The following WDR7 variants were observed in gnomAD, a reference collection of about 807,000 sequenced individuals.
WDR7 encodes WD repeat-containing protein 7.
WDR7 carries 46 observed loss-of-function variants against 169.4 expected under a neutral mutation model. The observed-to-expected ratio is 0.27, with a 90% CI of 0.21 to 0.35. WDR7 has a LOEUF of 0.35. Among genes scored for constraint, WDR7 ranks in the 10% least tolerant of loss-of-function variants. The pLI is 1.00. For missense variants in WDR7, 1,534 were observed against 1,859.3 expected (o/e 0.83, Z 3.22); for synonymous variants, 612 against 666.8 (o/e 0.92, Z 1.27).
chr18:56,975,199 G>A (rs2047549050), intron 26 of WDR7, among the ~76,000 whole-genome samples: 1 of 151,918 alleles, frequency 6.6e-6, no homozygotes, highest in Non-Finnish European at 1.5e-5. Context: ...TCACGCCACT[G>A]CACTCCAGCC....
chr18:56,834,076 A>G, intron 20 of WDR7, among the ~76,000 whole-genome samples: 1 of 152,180 alleles, frequency 6.6e-6, no homozygotes, highest in East Asian at 1.9e-4. Context: ...TTGCAGTTAT[A>G]GGATTGAGGT....
intron 20 of WDR7, among the ~76,000 whole-genome samples, chr18:56,856,345 C>G (rs2045721449): frequency 6.6e-6 from 1 of 152,042 alleles, no homozygotes; most frequent in African/African-American, 2.4e-5. Context: ...ACCAGTCTGG[C>G]CAACCTGGTG....
At chr18:56,794,087 A>G (rs998497294) in intron 19 of WDR7, among the ~76,000 whole-genome samples, 2 of 152,110 alleles carry the variant, frequency 1.3e-5, no homozygotes, top group Non-Finnish European at 2.9e-5. Flanking sequence ...TTCTGTTTTA[A>G]AAACATTTGT....
intron 14 of WDR7, among the ~76,000 whole-genome samples, chr18:56,755,233 G>A (rs938756340): frequency 6.6e-6 from 1 of 151,754 alleles, no homozygotes; most frequent in Non-Finnish European, 1.5e-5. Context: ...TTATCGTAGT[G>A]AACTTTTAAG....
intron 20 of WDR7, among the ~76,000 whole-genome samples, chr18:56,832,435 G>T (rs532391784): frequency 6.6e-6 from 1 of 152,324 alleles, no homozygotes; most frequent in South Asian, 2.1e-4. Context: ...AAACGTTCCA[G>T]CCTGCTGGCT....
intron 21 of WDR7, among the ~76,000 whole-genome samples, chr18:56,894,760 T>C (rs1177741491): frequency 3.9e-5 from 6 of 152,096 alleles, no homozygotes; most frequent in Non-Finnish European, 7.4e-5. Context: ...CCTTGTAGTA[T>C]CTTACATTTT....
At chr18:57,032,563 C>T (rs1310920912), downstream of WDR7, 1 of 152,138 alleles carries the variant, frequency 6.6e-6, no homozygotes, top group Admixed American at 6.5e-5. Flanking sequence ...CCATCACTTG[C>T]ATTACTGCCT....
At chr18:57,033,413 A>C (rs1447342491), downstream of WDR7, 1 of 152,244 alleles carries the variant, frequency 6.6e-6, no homozygotes, top group Non-Finnish European at 1.5e-5. Context: ...ACATTGGTAG[A>C]TGCTGCCAAC....
At chr18:56,704,686 C>G (rs1052714673) in intron 12 of WDR7, among the ~76,000 whole-genome samples, 5 of 152,036 alleles carry the variant, frequency 3.3e-5, no homozygotes, top group Non-Finnish European at 7.4e-5. Flanking sequence ...AGTGAGAGGC[C>G]CCTTTAACAG....
At chr18:56,844,484 T>C (rs2045538525) in intron 20 of WDR7, among the ~76,000 whole-genome samples, 1 of 152,160 alleles carries the variant, frequency 6.6e-6, no homozygotes, top group Non-Finnish European at 1.5e-5. Flanking sequence ...CACAAAAAGA[T>C]TAGACTCTAA....
chr18:56,999,822 T>C (rs991676544), intron 26 of WDR7, among the ~76,000 whole-genome samples: 1 of 152,066 alleles, frequency 6.6e-6, no homozygotes, highest in Admixed American at 6.6e-5. Context: ...GGGGCAGAAA[T>C]AGGACTGCTA....
chr18:56,957,441 T>G (rs1322453757), intron 25 of WDR7: 1 of 140,282 alleles, frequency 7.1e-6, no homozygotes, highest in East Asian at 2.1e-4. Flanking sequence ...TCTGCGAGAG[T>G]AAGAGGGAGA....
Position 56,756,471 on chromosome 18 carries a change from G to A in WDR7, c.1990-112G>A, listed in dbSNP as rs79405447. 1,161 of 985,604 alleles carry A rather than the reference G, an allele frequency of 1.2e-3. 17 individuals are homozygous for A. The East Asian group carries it at 0.029, about 25-fold the overall frequency. 61.1% of individuals were successfully genotyped at this position (985,604 alleles called of 1,614,324 possible). On this transcript the variant is annotated intron_variant, in intron 14 of 27. Coordinates refer to ENST00000254442, the MANE Select transcript of WDR7 (RefSeq NM_015285.3). ...TTACTTTTCATGATATAGGTTCCTAGAAGGACAGCTTAATAAGCATGTTAA... is the reference window on the plus strand; with the variant it reads ...TTACTTTTCATGATATAGGTTCCTAAAAGGACAGCTTAATAAGCATGTTAA...
At chr18:56,713,592 A>C (rs867924021) in intron 12 of WDR7, among the ~76,000 whole-genome samples, 2 of 152,174 alleles carry the variant, frequency 1.3e-5, no homozygotes, top group African/African-American at 4.8e-5. Context: ...TTTTACTTAT[A>C]CAGTTTAAGT....
intron 14 of WDR7, among the ~76,000 whole-genome samples, chr18:56,733,473 A>T (rs1393266901): frequency 6.6e-6 from 1 of 152,156 alleles, no homozygotes; most frequent in Non-Finnish European, 1.5e-5. Flanking sequence ...TTACTCTAGG[A>T]TATTGGATCT....
intron 20 of WDR7, among the ~76,000 whole-genome samples, chr18:56,867,399 GT>G (rs1055235050): frequency 6.6e-6 from 1 of 152,008 alleles, no homozygotes; most frequent in Non-Finnish European, 1.5e-5. Flanking sequence ...GAGGATGTAT[GT>G]TTACCAAACA....
chr18:57,025,539 CAG>C (rs1200156506), intron 27 of WDR7, among the ~76,000 whole-genome samples: 10 of 152,284 alleles, frequency 6.6e-5, no homozygotes, highest in East Asian at 5.8e-4. Flanking sequence ...CGAACTTTAA[CAG>C]AAAGAGTTAA....
chr18:56,933,076 A>T (rs2046912394), intron 22 of WDR7, among the ~76,000 whole-genome samples: 1 of 152,132 alleles, frequency 6.6e-6, no homozygotes, highest in Non-Finnish European at 1.5e-5. Context: ...GACAGACTGG[A>T]CTTCTCTGGA....
At chr18:56,690,612 C>T (rs1179175747) in intron 7 of WDR7, among the ~76,000 whole-genome samples, 2 of 151,660 alleles carry the variant, frequency 1.3e-5, no homozygotes, top group South Asian at 2.1e-4. Context: ...CCCAGGAGTT[C>T]GAGACCAGCC....
Sources: gnomAD v4.1 joint callset for allele counts (sites outside exome capture counted in the v4.1 genomes callset) on GRCh38, gnomAD v4.1.1 for gene constraint, MANE v1.5 for transcripts, NCBI Gene and HGNC (gene_info 2026-07-23, HGNC 2026-07-21) for gene names.